Variants in SLC22A23 observed in about 807,000 individuals in gnomAD.
SLC22A23 encodes solute carrier family 22 member 23, also known as ion transporter protein.
In SLC22A23, 26 loss-of-function variants were observed where a neutral mutation model predicts 61.0. That is an observed-to-expected ratio of 0.43 (90% CI 0.31 to 0.59). The LOEUF (loss-of-function observed/expected upper bound fraction) is 0.59, where lower values mean the gene tolerates loss of function less well. Ranked by LOEUF, SLC22A23 falls within the 20% of genes least tolerant of loss-of-function variation. The probability of loss-of-function intolerance (pLI) is 0.11; values close to 1 mark genes in which losing one functional copy is unlikely to be tolerated. For missense variants in SLC22A23, 796 were observed against 934.7 expected, an observed-to-expected ratio of 0.85 and a Z score of 1.94; for synonymous variants, 430 against 413.9, an observed-to-expected ratio of 1.04 and a Z score of -0.47.
At chr6:3,298,345 A>T in intron 4 of SLC22A23, 127 bp from the exon 5 acceptor site, 3 of 1,033,406 alleles carry the variant, frequency 2.9e-6, no homozygotes, top group Non-Finnish European at 4.1e-6. Flanking sequence ...GCATCAGCCC[A>T]ATCAGGGGAG....
At chr6:3,332,924 G>A (rs1217181582) in intron 3 of SLC22A23, among the ~76,000 whole-genome samples, 1 of 152,134 alleles carries the variant, frequency 6.6e-6, no homozygotes, top group African/African-American at 2.4e-5. Flanking sequence ...TCGTTCACAT[G>A]TTCCTTCATG....
At chr6:3,422,985 A>G (rs1270552043) in intron 1 of SLC22A23, among the ~76,000 whole-genome samples, 1 of 152,110 alleles carries the variant, frequency 6.6e-6, no homozygotes, top group Non-Finnish European at 1.5e-5. Context: ...ACGTAGTCCC[A>G]TTTTAATGAG....
intron 3 of SLC22A23, among the ~76,000 whole-genome samples, chr6:3,397,077 C>G (rs1412746874): frequency 2.0e-5 from 3 of 152,200 alleles, no homozygotes; most frequent in Non-Finnish European, 4.4e-5. Context: ...GTCGCAGCCC[C>G]ACAGCCTGTC....
intron 9 of SLC22A23, among the ~76,000 whole-genome samples, chr6:3,280,953 A>T (rs2127300404): frequency 6.6e-6 from 1 of 152,218 alleles, no homozygotes; most frequent in East Asian, 1.9e-4. Flanking sequence ...GGCCTGTCCG[A>T]CTTATGATCT....
chr6:3,373,287 T>A (rs577886762), intron 3 of SLC22A23, among the ~76,000 whole-genome samples: 2 of 152,384 alleles, frequency 1.3e-5, no homozygotes, highest in South Asian at 4.1e-4. Context: ...ACATCCTGTG[T>A]GACTCCGCTG....
At chr6:3,278,604 C>T (rs1177123121) in intron 9 of SLC22A23, among the ~76,000 whole-genome samples, 1 of 152,174 alleles carries the variant, frequency 6.6e-6, no homozygotes, top group Non-Finnish European at 1.5e-5. Flanking sequence ...GCGGATCACA[C>T]GGGCTTCCTG....
At position 3,286,773 on chromosome 6, in the gene SLC22A23, C is replaced by T. The variant is rs1404519763; in HGVS notation, c.1546+86G>A. On this transcript the variant is annotated intron_variant, in intron 7 of 9. Coordinates refer to ENST00000406686, the MANE Select transcript of SLC22A23 (RefSeq NM_015482.2). This position sits in a 1 kb window ranked among gnomAD's most constrained non-coding sequence, Gnocchi z 4.2. ...CAGCAGTAGATTTTAGAGTGGCCAG[C>T]GGAGTCTTATGCAGCCCTTTCAAAT... 1.5e-5 allele frequency: 17 copies of T among 1,137,364 alleles called. No homozygotes were observed. Among genetic ancestry groups the T allele is most frequent in the East Asian group, 7.7e-5 (3 of 39,112 alleles). 70.5% of individuals were successfully genotyped at this position (1,137,364 alleles called of 1,614,324 possible).
rs1172407918 is a variant in SLC22A23, at chr6:3,454,054, T to C, written c.654+1852A>G. Among the ~76,000 whole-genome samples the C allele has an allele frequency of 6.6e-6, 1 of 152,202 alleles. No homozygotes were observed. Among genetic ancestry groups the C allele is most frequent in the Non-Finnish European group, 1.5e-5 (1 of 68,030 alleles). On this transcript the variant is annotated intron_variant, in intron 1 of 9. Coordinates refer to ENST00000406686, the MANE Select transcript of SLC22A23 (RefSeq NM_015482.2). This position sits in a 1 kb window ranked among gnomAD's most constrained non-coding sequence, Gnocchi z 4.3. The stretch of plus-strand genomic sequence containing the variant: ...AGGCAGTCCTTTATTTAGATCTTTT[T>C]TGTCTGTGAAAATCAATATGTCCTT...
At chr6:3,275,197 G>A in intron 9 of SLC22A23, among the ~76,000 whole-genome samples, 1 of 152,190 alleles carries the variant, frequency 6.6e-6, no homozygotes, top group East Asian at 1.9e-4. Flanking sequence ...TGTAGATGGA[G>A]GCAAATCCAG....
intron 1 of SLC22A23, among the ~76,000 whole-genome samples, chr6:3,442,646 A>C (rs1290660476): frequency 1.3e-5 from 2 of 152,134 alleles, no homozygotes; most frequent in Non-Finnish European, 2.9e-5. Context: ...TACGATGCTA[A>C]GTACATAACC....
At chr6:3,415,545 T>C (rs1366558631) in intron 2 of SLC22A23, among the ~76,000 whole-genome samples, 1 of 152,212 alleles carries the variant, frequency 6.6e-6, no homozygotes, top group South Asian at 2.1e-4. Flanking sequence ...GAGAATTGCG[T>C]TGAATTTAAA....
At chr6:3,292,589 G>A (rs1581627866) in intron 5 of SLC22A23, among the ~76,000 whole-genome samples, 1 of 152,328 alleles carries the variant, frequency 6.6e-6, no homozygotes, top group South Asian at 2.1e-4. Flanking sequence ...GAATTTTGAT[G>A]AGCCAGGTAT....
intron 3 of SLC22A23, among the ~76,000 whole-genome samples, chr6:3,371,725 A>G (rs1434944754): frequency 6.6e-6 from 1 of 152,266 alleles, no homozygotes; most frequent in Non-Finnish European, 1.5e-5. Context: ...CTTGATGATG[A>G]TAACCACATT....
At chr6:3,425,950 A>G (rs1164239203) in intron 1 of SLC22A23, among the ~76,000 whole-genome samples, 1 of 152,250 alleles carries the variant, frequency 6.6e-6, no homozygotes, top group African/African-American at 2.4e-5. Context: ...TACAGGTTAT[A>G]GCATTTGTCT....
intron 1 of SLC22A23, among the ~76,000 whole-genome samples, chr6:3,425,982 T>G (rs534909575): frequency 7.2e-5 from 11 of 152,336 alleles, no homozygotes; most frequent in Non-Finnish European, 1.6e-4. Context: ...CAATACACTT[T>G]ATGTGCATAT....
intron 1 of SLC22A23, among the ~76,000 whole-genome samples, chr6:3,423,665 A>G (rs1430980608): frequency 6.6e-6 from 1 of 152,258 alleles, no homozygotes; most frequent in Non-Finnish European, 1.5e-5. Context: ...GGGAGCAGCT[A>G]TTAATGCCCT....
In SLC22A23 at chr6:3,297,278, G is replaced by T. The variant is rs1761192746; in HGVS notation, c.1210+813C>A. Among the ~76,000 whole-genome samples, 1 of 152,188 alleles carries T rather than the reference G, an allele frequency of 6.6e-6. No homozygotes were observed. Among genetic ancestry groups the T allele is most frequent in the Non-Finnish European group, 1.5e-5 (1 of 68,036 alleles). ...GGGAAAATGAGCATATTCTCTCTTG[G>T]ACGATGGCCTGGAGGTTATTTTCCC... On this transcript the variant is annotated intron_variant, in intron 5 of 9. Transcript: ENST00000406686. This position sits in a 1 kb window ranked among gnomAD's most constrained non-coding sequence, Gnocchi z 4.3.
intron 1 of SLC22A23, among the ~76,000 whole-genome samples, chr6:3,447,612 A>G (rs1174855951): frequency 1.4e-5 from 2 of 138,926 alleles, no homozygotes; most frequent in African/African-American, 2.7e-5. Flanking sequence ...TGTCTGAGAC[A>G]GAGTCTTGCT....
chr6:3,396,648 G>C (rs1217915796), intron 3 of SLC22A23, among the ~76,000 whole-genome samples: 2 of 152,188 alleles, frequency 1.3e-5, no homozygotes, highest in Non-Finnish European at 2.9e-5. Context: ...GGAACACACA[G>C]GCGGCTGGAT....
Sources: allele counts gnomAD v4.1 joint callset (sites outside exome capture counted in the v4.1 genomes callset), GRCh38; gene constraint gnomAD v4.1.1; non-coding constraint Gnocchi (gnomAD v3.1); transcripts MANE v1.5; gene names NCBI Gene and HGNC (gene_info 2026-07-23, HGNC 2026-07-21).